Variants in GMDS observed in about 807,000 individuals in gnomAD.
GMDS encodes the protein GDP-mannose 4,6-dehydratase.
A neutral mutation model predicts 49.9 loss-of-function variants in GMDS; 20 were observed. The observed-to-expected ratio is 0.40, with a 90% CI of 0.28 to 0.58. The LOEUF (loss-of-function observed/expected upper bound fraction) is 0.58, where lower values mean the gene tolerates loss of function less well. Ranked by LOEUF, GMDS falls within the 20% of genes least tolerant of loss-of-function variation. The pLI is 0.42. For missense variants in GMDS, 362 were observed against 481.4 expected, an observed-to-expected ratio of 0.75 and a Z score of 2.32; for synonymous variants, 177 against 178.6, an observed-to-expected ratio of 0.99 and a Z score of 0.07.
At chr6:1,906,772 T>C (rs540957916) in intron 7 of GMDS, among the ~76,000 whole-genome samples, 152 of 152,288 alleles carry the variant, frequency 1.0e-3, no homozygotes, top group African/African-American at 3.4e-3. Flanking sequence ...AGCTCTCCCA[T>C]CTGGGAGCTA....
Position 2,172,545 on chromosome 6 carries a change from T to C in GMDS, c.103-47814A>G, listed in dbSNP as rs550660881. ...ATCTCTACTAAAAATACCAAAAAAT[T>C]AGCCAGGCATGGTGGTGGGCACCTA... On this transcript the variant is annotated intron_variant, in intron 1 of 10. Coordinates refer to ENST00000380815, the MANE Select transcript of GMDS (RefSeq NM_001500.4). Among the ~76,000 whole-genome samples the C allele has an allele frequency of 4.6e-5, 7 of 152,048 alleles. No homozygotes were observed. The South Asian group carries it at 1.5e-3, about 32-fold the overall frequency.
chr6:1,663,184 C>T (rs1764135041), intron 9 of GMDS, among the ~76,000 whole-genome samples: 1 of 152,178 alleles, frequency 6.6e-6, no homozygotes, highest in South Asian at 2.1e-4. Context: ...AGAACATGCA[C>T]TGATAAGGAA....
chr6:1,819,821 T>C (rs769185469), intron 7 of GMDS, among the ~76,000 whole-genome samples: 3 of 148,560 alleles, frequency 2.0e-5, no homozygotes, highest in Non-Finnish European at 3.0e-5. Context: ...ATGTTTCTCA[T>C]AGAGATAGAA....
intron 9 of GMDS, among the ~76,000 whole-genome samples, chr6:1,683,180 G>A (rs1226339747): frequency 1.3e-5 from 2 of 152,160 alleles, no homozygotes; most frequent in East Asian, 3.9e-4. Context: ...CTGGAGTGCA[G>A]TGGTGCAATC....
At chr6:1,813,393 C>T (rs1333609248) in intron 7 of GMDS, among the ~76,000 whole-genome samples, 4 of 152,112 alleles carry the variant, frequency 2.6e-5, no homozygotes, top group Non-Finnish European at 4.4e-5. Context: ...AAACCCAGCG[C>T]TCAATGCCTA....
intron 4 of GMDS, among the ~76,000 whole-genome samples, chr6:2,019,583 G>A (rs185243846): frequency 2.0e-5 from 3 of 152,120 alleles, no homozygotes; most frequent in African/African-American, 7.2e-5. Flanking sequence ...CGAAGTAGTT[G>A]GGATTACAGG....
intron 7 of GMDS, among the ~76,000 whole-genome samples, chr6:1,758,748 G>A (rs962424621): frequency 2.6e-5 from 4 of 152,172 alleles, no homozygotes; most frequent in African/African-American, 7.2e-5. Flanking sequence ...AGAAACCCGC[G>A]TCTAAGCTCC....
At chr6:1,713,417 G>C (rs1033930412) in intron 9 of GMDS, among the ~76,000 whole-genome samples, 3 of 152,238 alleles carry the variant, frequency 2.0e-5, no homozygotes, top group African/African-American at 7.2e-5. Flanking sequence ...CCGGGATCCA[G>C]TGCTGGCACT....
intron 1 of GMDS, among the ~76,000 whole-genome samples, chr6:2,215,172 C>A (rs546613046): frequency 5.9e-5 from 9 of 152,016 alleles, no homozygotes; most frequent in Non-Finnish European, 1.2e-4. Flanking sequence ...GGCTCAGTGT[C>A]CTCAACAAAC....
rs544150570 is a variant in GMDS at position 1,657,737 on chromosome 6, C to T, written c.988-33197G>A. The stretch of plus-strand genomic sequence containing the variant: ...AAATGACAGTCGGGGGCAGGTGCCC[C>T]GCACTCACCAATTTCTATCCCACTT... On this transcript the variant is annotated intron_variant, in intron 9 of 10. Coordinates refer to ENST00000380815, the MANE Select transcript of GMDS (RefSeq NM_001500.4). Among the ~76,000 whole-genome samples, 6 of 152,014 alleles carry T rather than the reference C, an allele frequency of 3.9e-5. No individual in the cohort carries two copies. In the South Asian group the frequency reaches 6.2e-4, roughly 16 times the overall value.
intron 4 of GMDS, among the ~76,000 whole-genome samples, chr6:1,973,103 AG>A (rs1292956396): frequency 3.9e-5 from 6 of 152,190 alleles, no homozygotes; most frequent in African/African-American, 1.4e-4. Context: ...CAGATAAATA[AG>A]CTCTCATCAG....
chr6:2,226,501 A>C (rs560180868), intron 1 of GMDS, among the ~76,000 whole-genome samples: 1 of 152,344 alleles, frequency 6.6e-6, no homozygotes, highest in African/African-American at 2.4e-5. Context: ...ATCATTAACA[A>C]AAGTTAATCG....
chr6:1,892,044 A>G (rs755894586), intron 7 of GMDS, among the ~76,000 whole-genome samples: 1 of 152,212 alleles, frequency 6.6e-6, no homozygotes, highest in Non-Finnish European at 1.5e-5. Context: ...GTGTTCTCTT[A>G]AGAAAAAAAC....
At chr6:1,858,631 C>A (rs1419965161) in intron 7 of GMDS, among the ~76,000 whole-genome samples, 1 of 151,740 alleles carries the variant, frequency 6.6e-6, no homozygotes, top group Non-Finnish European at 1.5e-5. Flanking sequence ...GGGAGAGAAA[C>A]GTAATGGAGA....
chr6:1,955,812 G>A (rs1763605683), intron 6 of GMDS, among the ~76,000 whole-genome samples: 1 of 152,070 alleles, frequency 6.6e-6, no homozygotes, highest in Non-Finnish European at 1.5e-5. Flanking sequence ...TGGTTGGGAT[G>A]GAGAAAAGAC....
At chr6:1,899,970 C>T (rs1028721033) in intron 7 of GMDS, among the ~76,000 whole-genome samples, 9 of 152,114 alleles carry the variant, frequency 5.9e-5, no homozygotes, top group Non-Finnish European at 1.2e-4. Flanking sequence ...AGAACACAGT[C>T]GCCACTCTAA....
intron 7 of GMDS, among the ~76,000 whole-genome samples, chr6:1,914,131 GTTTTTT>G (rs563808537): frequency 0.028 from 2,179 of 77,858 alleles, 75 homozygotes; most frequent in African/African-American, 0.093. Context: ...TTTTTTGTTT[GTTTTTT>G]TTTTTTTTTT....
At chr6:1,660,307 C>T (rs1764025865) in intron 9 of GMDS, among the ~76,000 whole-genome samples, 1 of 152,014 alleles carries the variant, frequency 6.6e-6, no homozygotes, top group African/African-American at 2.4e-5. Flanking sequence ...AGGATTTCAG[C>T]TGTAGGAATT....
At chr6:1,874,447 T>A (rs1043985369) in intron 7 of GMDS, among the ~76,000 whole-genome samples, 7 of 152,180 alleles carry the variant, frequency 4.6e-5, no homozygotes, top group African/African-American at 1.7e-4. Context: ...AAGAACTAAG[T>A]ACTACGTTGG....
Sources: allele counts gnomAD v4.1 joint callset (sites outside exome capture counted in the v4.1 genomes callset), GRCh38; gene constraint gnomAD v4.1.1; transcripts MANE v1.5; gene names NCBI Gene and HGNC (gene_info 2026-07-23, HGNC 2026-07-21).